The following TIAM1 variants were observed in gnomAD, a reference collection of about 807,000 sequenced individuals.
The protein encoded by TIAM1 is TIAM Rac1 associated GEF 1.
Under a neutral mutation model 163.5 loss-of-function variants are expected in TIAM1, and 65 were observed. That is an observed-to-expected ratio of 0.40 (90% CI 0.33 to 0.49). The LOEUF is 0.49. Among genes scored for constraint, TIAM1 ranks in the 20% least tolerant of loss-of-function variants. TIAM1 has a pLI of 0.77. For missense variants in TIAM1, 1,789 were observed against 2,044.7 expected (o/e 0.87, Z 2.41); for synonymous variants, 833 against 810.1 (o/e 1.03, Z -0.48).
In TIAM1 at chr21:31,334,023, AAC is replaced by A. The variant is rs2075763749; in HGVS notation, c.-189+5218_-189+5219del. Among the ~76,000 whole-genome samples, 3 of 152,190 alleles carry A rather than the reference AAC, an allele frequency of 2.0e-5. No individual in the cohort carries two copies. The South Asian group carries it at 6.2e-4, about 31-fold the overall frequency. Reference sequence around the variant, plus strand: ...CAAATACATTAGAAAGATAAATAGCAACAGTTACTACGTAGAGGTGAAAATCG... The same window carrying A: ...CAAATACATTAGAAAGATAAATAGCAAGTTACTACGTAGAGGTGAAAATCG... On this transcript the variant is annotated intron_variant, in intron 2 of 27. Coordinates refer to ENST00000541036, the MANE Select transcript of TIAM1 (RefSeq NM_001353694.2).
chr21:31,327,198 T>C (rs549428937), intron 2 of TIAM1, among the ~76,000 whole-genome samples: 1 of 152,286 alleles, frequency 6.6e-6, no homozygotes, highest in South Asian at 2.1e-4. Flanking sequence ...GGAGGAGCTT[T>C]CTGTTTGGAA....
intron 2 of TIAM1, among the ~76,000 whole-genome samples, chr21:31,391,795 C>T (rs1445906085): frequency 1.3e-5 from 2 of 151,744 alleles, no homozygotes; most frequent in Non-Finnish European, 1.5e-5. Context: ...AAAAAGAGAC[C>T]ATGAATACCT....
intron 2 of TIAM1, among the ~76,000 whole-genome samples, chr21:31,307,636 C>T (rs1217555654): frequency 1.3e-5 from 2 of 152,122 alleles, no homozygotes; most frequent in African/African-American, 2.4e-5. Context: ...ATCAACCCCA[C>T]CAGCATTTAA....
chr21:31,505,262 G>GC (rs2046986903), intron 1 of TIAM1, among the ~76,000 whole-genome samples: 12 of 152,154 alleles, frequency 7.9e-5, no homozygotes, highest in Admixed American at 4.6e-4. Flanking sequence ...AGGATTCAAT[G>GC]ATATAACTCA....
At chr21:31,353,740 C>T (rs537290064) in intron 2 of TIAM1, among the ~76,000 whole-genome samples, 1 of 152,168 alleles carries the variant, frequency 6.6e-6, no homozygotes, top group African/African-American at 2.4e-5. Context: ...CAGCTCTCTC[C>T]AACCTCACTA....
At chr21:31,185,682 TATA>T (rs1480849730) in intron 14 of TIAM1, among the ~76,000 whole-genome samples, 1 of 147,894 alleles carries the variant, frequency 6.8e-6, no homozygotes, top group African/African-American at 2.5e-5. Flanking sequence ...ATTATAATTA[TATA>T]ATAATTACAC....
chr21:31,261,832 G>C (rs1308689727), intron 4 of TIAM1, among the ~76,000 whole-genome samples: 1 of 152,166 alleles, frequency 6.6e-6, no homozygotes, highest in African/African-American at 2.4e-5. Context: ...CTATTCACCA[G>C]CACCACACCT....
chr21:31,221,402 T>G (rs536862943), intron 8 of TIAM1, among the ~76,000 whole-genome samples: 1 of 152,204 alleles, frequency 6.6e-6, no homozygotes, highest in Non-Finnish European at 1.5e-5. Context: ...TTAAAACCAC[T>G]GACCAAAACA....
chr21:31,429,745 GGA>G (rs1479811759), intron 2 of TIAM1, among the ~76,000 whole-genome samples: 1 of 152,194 alleles, frequency 6.6e-6, no homozygotes, highest in African/African-American at 2.4e-5. Flanking sequence ...GCCAGGGCGT[GGA>G]GTCTTCTGTG....
At chr21:31,534,468 G>T (rs2048064767) in intron 1 of TIAM1, among the ~76,000 whole-genome samples, 1 of 152,108 alleles carries the variant, frequency 6.6e-6, no homozygotes, top group African/African-American at 2.4e-5. Context: ...CCAAGGTCAG[G>T]AGTTCAAGAC....
At chr21:31,472,229 A>C (rs4816397) in intron 1 of TIAM1, among the ~76,000 whole-genome samples, 127,471 of 152,172 alleles carry the variant, frequency 0.84, 53,901 homozygotes, top group African/African-American at 0.93. Flanking sequence ...AAACAAAGTT[A>C]TCAGAATAGT....
chr21:31,459,888 G>A (rs1433285746), intron 2 of TIAM1, among the ~76,000 whole-genome samples: 2 of 152,166 alleles, frequency 1.3e-5, no homozygotes, highest in Non-Finnish European at 2.9e-5. Context: ...GAGCCGGATG[G>A]TGCATGGGAA....
At chr21:31,511,912 G>A (rs2147472972) in intron 1 of TIAM1, among the ~76,000 whole-genome samples, 1 of 152,258 alleles carries the variant, frequency 6.6e-6, no homozygotes, top group Non-Finnish European at 1.5e-5. Context: ...GTGACAGGCA[G>A]AAATAGACAA....
intron 2 of TIAM1, among the ~76,000 whole-genome samples, chr21:31,311,058 G>C (rs559532848): frequency 1.3e-5 from 2 of 152,106 alleles, no homozygotes; most frequent in African/African-American, 2.4e-5. Flanking sequence ...ACTCTCTCAC[G>C]ATATGTAAAT....
chr21:31,300,651 C>T (rs186721511), intron 2 of TIAM1, among the ~76,000 whole-genome samples: 62 of 152,248 alleles, frequency 4.1e-4, no homozygotes, highest in African/African-American at 1.4e-3. Context: ...CAAGTTTTTG[C>T]AAAAGATTAT....
intron 2 of TIAM1, among the ~76,000 whole-genome samples, chr21:31,387,850 G>A (rs1320269507): frequency 6.6e-6 from 1 of 152,078 alleles, no homozygotes; most frequent in African/African-American, 2.4e-5. Context: ...GCAGGTGCAT[G>A]GAGTGAAGTC....
chr21:31,510,288 G>A (rs867502923), intron 1 of TIAM1, among the ~76,000 whole-genome samples: 11 of 152,294 alleles, frequency 7.2e-5, no homozygotes, highest in Middle Eastern at 3.4e-3. Flanking sequence ...TCCTCACACA[G>A]CCTCTCCTCT....
chr21:31,293,043 T>A (rs2074092452), intron 2 of TIAM1, among the ~76,000 whole-genome samples: 2 of 152,008 alleles, frequency 1.3e-5, no homozygotes, highest in Admixed American at 1.3e-4. Context: ...AGGATGGTCT[T>A]GAGCTACTGA....
intron 1 of TIAM1, among the ~76,000 whole-genome samples, chr21:31,482,808 T>C (rs1275880252): frequency 2.6e-5 from 4 of 152,142 alleles, no homozygotes; most frequent in African/African-American, 7.2e-5. Context: ...GAAAACAGCA[T>C]GGGAGCCCTT....
Sources: gnomAD v4.1 joint callset for allele counts (sites outside exome capture counted in the v4.1 genomes callset) on GRCh38, gnomAD v4.1.1 for gene constraint, MANE v1.5 for transcripts, NCBI Gene and HGNC (gene_info 2026-07-23, HGNC 2026-07-21) for gene names.